CFDP1: variants seen among roughly 807,000 people sequenced by gnomAD.
CFDP1 encodes the protein heterochromatin-stabilizing protein CFDP1.
In CFDP1, 31 loss-of-function variants were observed where a neutral mutation model predicts 40.1. The observed-to-expected ratio is 0.77, with a 90% CI of 0.58 to 1.04. CFDP1 has a LOEUF of 1.04. CFDP1 is among the 50% of genes least tolerant of loss of function. CFDP1 has a pLI of 0.00. For missense variants in CFDP1, 423 were observed against 343.4 expected (o/e 1.23, Z -1.83); for synonymous variants, 167 against 120.0 (o/e 1.39, Z -2.56).
chr16:75,325,291 G>C (rs774571593), intron 5 of CFDP1, among the ~76,000 whole-genome samples: 4 of 152,130 alleles, frequency 2.6e-5, no homozygotes, highest in Non-Finnish European at 4.4e-5. Context: ...CCCTTGTATA[G>C]TCCCCTTCAG....
intron 5 of CFDP1, among the ~76,000 whole-genome samples, chr16:75,387,861 G>C (rs2078912839): frequency 1.3e-5 from 2 of 151,534 alleles, no homozygotes; most frequent in South Asian, 4.1e-4. Flanking sequence ...CTTGAGACAG[G>C]AATGAAACAA....
chr16:75,424,689 G>C (rs995555531), intron 1 of CFDP1, among the ~76,000 whole-genome samples: 2 of 151,558 alleles, frequency 1.3e-5, no homozygotes, highest in African/African-American at 2.4e-5. Flanking sequence ...AGGAGGCAGA[G>C]GTCACAGTGA....
intron 5 of CFDP1, among the ~76,000 whole-genome samples, chr16:75,378,195 T>G (rs2078818287): frequency 6.6e-6 from 1 of 152,046 alleles, no homozygotes; most frequent in South Asian, 2.1e-4. Context: ...GAAACAACAC[T>G]TCTACAACTA....
intron 1 of CFDP1, among the ~76,000 whole-genome samples, chr16:75,432,713 G>T (rs1297241211): frequency 6.6e-6 from 1 of 152,202 alleles, no homozygotes; most frequent in Admixed American, 6.5e-5. Flanking sequence ...GACCAAGAAG[G>T]GGGAACAGAA....
Position 75,350,469 on chromosome 16 carries a change from C to G in CFDP1, c.650+44621G>C, listed in dbSNP as rs143041166. ...TATCTCACTGTGGTTTGATTTGCATCTCTCTAATGAATAATTATGTATTAT... is the reference window on the plus strand; with the variant it reads ...TATCTCACTGTGGTTTGATTTGCATGTCTCTAATGAATAATTATGTATTAT... On this transcript the variant is annotated intron_variant, in intron 5 of 6. Coordinates refer to ENST00000283882, the MANE Select transcript of CFDP1 (RefSeq NM_006324.3). Among the ~76,000 whole-genome samples, 630 of 152,278 alleles carry G rather than the reference C, an allele frequency of 4.1e-3. 4 individuals are homozygous for G. Among genetic ancestry groups the G allele is most frequent in the African/African-American group, 0.015 (609 of 41,570 alleles).
At chr16:75,389,652 T>C (rs2078931376) in intron 5 of CFDP1, among the ~76,000 whole-genome samples, 1 of 135,828 alleles carries the variant, frequency 7.4e-6, no homozygotes, top group African/African-American at 2.6e-5. Context: ...TTCTATAAAC[T>C]GAAGCAGCTC....
intron 6 of CFDP1, among the ~76,000 whole-genome samples, chr16:75,301,122 T>C (rs1391064424): frequency 1.3e-5 from 2 of 152,122 alleles, no homozygotes; most frequent in Non-Finnish European, 2.9e-5. Flanking sequence ...ACAGGACTCA[T>C]GGAAAAGGGA....
rs1567670026 is a variant in CFDP1 at position 75,394,657 on chromosome 16, G to GTTTTTTTTTTTT, written c.650+432_650+433insAAAAAAAAAAAA. ...AAGAAAGCTACAACTAATTTTCTTC[G>GTTTTTTTTTTTT]CTTTTTTTTTTTTTTTTTTTTTTTA... On this transcript the variant is annotated intron_variant, in intron 5 of 6. Transcript: ENST00000283882. 3.4e-5 allele frequency: 2 copies of GTTTTTTTTTTTT among 58,568 alleles called. 1 individual carries two copies. Among genetic ancestry groups the GTTTTTTTTTTTT allele is most frequent in the Non-Finnish European group, 8.1e-5 (2 of 24,602 alleles). 3.6% of individuals were successfully genotyped at this position (58,568 alleles called of 1,614,324 possible).
rs12149487 is a variant in CFDP1, at chr16:75,393,851, A to G, written c.650+1239T>C. On this transcript the variant is annotated intron_variant, in intron 5 of 6. Transcript: ENST00000283882. ...AAGGAGGGCAGATCACGAGGTCAGG[A>G]GATCAAGACCATCCTGGCTAACACA... Among the ~76,000 whole-genome samples, 955 of 151,478 alleles carry G rather than the reference A, an allele frequency of 6.3e-3. 3 individuals carry two copies. The highest frequency in any genetic ancestry group is 9.1e-3 in the Non-Finnish European group (615 of 67,930).
intron 5 of CFDP1, among the ~76,000 whole-genome samples, chr16:75,312,956 T>G (rs975226577): frequency 1.3e-5 from 2 of 152,156 alleles, no homozygotes; most frequent in Non-Finnish European, 2.9e-5. Context: ...GAAGTGACAG[T>G]GAAATGGACT....
intron 1 of CFDP1, among the ~76,000 whole-genome samples, chr16:75,425,700 A>G (rs2079333006): frequency 6.6e-6 from 1 of 151,948 alleles, no homozygotes; most frequent in Non-Finnish European, 1.5e-5. Flanking sequence ...TCTTATGCAA[A>G]AATTAACTGA....
intron 1 of CFDP1, among the ~76,000 whole-genome samples, chr16:75,419,930 T>C (rs1388699673): frequency 6.6e-6 from 1 of 152,064 alleles, no homozygotes; most frequent in Non-Finnish European, 1.5e-5. Flanking sequence ...CTTAATAAAC[T>C]TGTTTTTACT....
At chr16:75,331,077 T>C (rs2078443201) in intron 5 of CFDP1, among the ~76,000 whole-genome samples, 1 of 151,872 alleles carries the variant, frequency 6.6e-6, no homozygotes, top group African/African-American at 2.4e-5. Context: ...GCCACAAGGC[T>C]CTGCTTGCCT....
At chr16:75,302,574 A>G (rs2078228391) in intron 6 of CFDP1, among the ~76,000 whole-genome samples, 1 of 152,228 alleles carries the variant, frequency 6.6e-6, no homozygotes, top group East Asian at 1.9e-4. Context: ...TAAGACCTCT[A>G]TTAACTCAAG....
At position 75,433,447 on chromosome 16, in the gene CFDP1, G is replaced by C. The variant is rs546726350; in HGVS notation, c.-95C>G. ...GAGAGACCATAGAGCCCCGGCGGCG[G>C]CGACGGCAGCTAGGGCGGCCCCCGA... On this transcript the variant is annotated 5_prime_UTR_variant, in exon 1 of 7. Coordinates refer to ENST00000283882, the MANE Select transcript of CFDP1 (RefSeq NM_006324.3). 5.5e-6 allele frequency: 7 copies of C among 1,268,644 alleles called. No homozygotes were observed. The East Asian group carries it at 1.5e-4, about 28-fold the overall frequency. 78.6% of individuals were successfully genotyped at this position (1,268,644 alleles called of 1,614,324 possible). A position where few individuals can be genotyped will look rare whatever the true frequency, so the allele number is the denominator to read the frequency against.
chr16:75,397,976 T>C (rs2079011897), intron 4 of CFDP1, among the ~76,000 whole-genome samples: 1 of 152,190 alleles, frequency 6.6e-6, no homozygotes, highest in South Asian at 2.1e-4. Context: ...CCCCTTGAAT[T>C]CATCCCTTGA....
chr16:75,341,670 A>G (rs1231397439), intron 5 of CFDP1, among the ~76,000 whole-genome samples: 1 of 152,016 alleles, frequency 6.6e-6, no homozygotes, highest in Non-Finnish European at 1.5e-5. Context: ...GAAAAAAAAA[A>G]AAGGCCTGAC....
chr16:75,361,868 T>G (rs2078681599), intron 5 of CFDP1, among the ~76,000 whole-genome samples: 2 of 152,148 alleles, frequency 1.3e-5, no homozygotes, highest in Admixed American at 6.5e-5. Flanking sequence ...GTATTTGTTT[T>G]CAGAATTTTA....
At chr16:75,346,914 A>C (rs927368543) in intron 5 of CFDP1, among the ~76,000 whole-genome samples, 1 of 152,138 alleles carries the variant, frequency 6.6e-6, no homozygotes, top group African/African-American at 2.4e-5. Flanking sequence ...GGGAAAACAC[A>C]GATGGTCTTG....
Sources: allele counts gnomAD v4.1 joint callset (sites outside exome capture counted in the v4.1 genomes callset), GRCh38; gene constraint gnomAD v4.1.1; transcripts MANE v1.5; gene names NCBI Gene and HGNC (gene_info 2026-07-23, HGNC 2026-07-21).